Variants in NUBP1 observed in about 807,000 individuals in gnomAD.
The protein encoded by NUBP1 is cytosolic Fe-S cluster assembly factor NUBP1.
NUBP1 carries 46 observed loss-of-function variants against 41.8 expected under a neutral mutation model. The observed-to-expected ratio is 1.10, with a 90% confidence interval of 0.87 to 1.41. The LOEUF is 1.41. Among genes scored for constraint, NUBP1 ranks in the 40% most tolerant of loss-of-function variants. The probability of loss-of-function intolerance (pLI) is 0.00; values close to 1 mark genes in which losing one functional copy is unlikely to be tolerated. For missense variants in NUBP1, 494 were observed against 414.0 expected, an observed-to-expected ratio of 1.19 and a Z score of -1.68; for synonymous variants, 189 against 154.6, an observed-to-expected ratio of 1.22 and a Z score of -1.65.
In NUBP1 at chr16:10,759,742, C is replaced by T. The variant is rs1198398495; in HGVS notation, c.607-1622C>T. ...AGTGAGCCGAGATCGCGCCACTGCA[C>T]TCCAGCCTGGGCGACAGAGCAAGAC... On this transcript the variant is annotated intron_variant, in intron 7 of 10. Coordinates refer to ENST00000283027, the MANE Select transcript of NUBP1 (RefSeq NM_002484.4). The surrounding 1 kb of genome is among the most constrained non-coding windows in gnomAD (Gnocchi z 4.7). Among the ~76,000 whole-genome samples the T allele has an allele frequency of 2.6e-5, 4 of 152,152 alleles. No homozygotes were observed. The highest frequency in any genetic ancestry group is 4.4e-5 in the Non-Finnish European group (3 of 68,028).
intron 7 of NUBP1, among the ~76,000 whole-genome samples, chr16:10,758,819 G>A (rs1052494080): frequency 1.1e-4 from 17 of 152,112 alleles, no homozygotes; most frequent in African/African-American, 3.6e-4. Flanking sequence ...CGCTTCTTCC[G>A]TAGTGACACC....
Position 10,767,281 on chromosome 16 carries a change from T to A in NUBP1, c.821-668T>A. On this transcript the variant is annotated intron_variant, in intron 9 of 10. Transcript: ENST00000283027. This position sits in a 1 kb window ranked among gnomAD's most constrained non-coding sequence, Gnocchi z 4.6. Reference sequence around the variant, plus strand: ...GTGTCCTGTCCACCTGGCTCTGGGATAACATGGTCCTAGAGAAACCTGGGT... The same window carrying A: ...GTGTCCTGTCCACCTGGCTCTGGGAAAACATGGTCCTAGAGAAACCTGGGT... 2.5e-6 allele frequency: 1 copy of A among 399,100 alleles called. No individual in the cohort carries two copies. Among genetic ancestry groups the A allele is most frequent in the Non-Finnish European group, 4.4e-6 (1 of 226,496 alleles). The allele number at this position is 399,100 out of a possible 1,614,324, so 24.7% of individuals were successfully genotyped here. A position where few individuals can be genotyped will look rare whatever the true frequency, so the allele number is the denominator to read the frequency against.
intron 9 of NUBP1, 53 bp downstream of exon 9, chr16:10,761,912 C>T (rs770201722): frequency 7.0e-7 from 1 of 1,425,818 alleles, no homozygotes; most frequent in Middle Eastern, 1.8e-4. Flanking sequence ...GCCCCACAGG[C>T]ACGGGTCGGG....
At chr16:10,753,715 G>A (rs1900426401) in intron 4 of NUBP1, among the ~76,000 whole-genome samples, 1 of 152,152 alleles carries the variant, frequency 6.6e-6, no homozygotes. Context: ...CAGTAGGGCA[G>A]AGTCAGAGGG....
chr16:10,750,927 G>A (rs1217798846), intron 3 of NUBP1, among the ~76,000 whole-genome samples: 1 of 152,314 alleles, frequency 6.6e-6, no homozygotes, highest in South Asian at 2.1e-4. Flanking sequence ...GGTCCTGCTG[G>A]GAGGAACGCA....
chr16:10,768,865 A>G lies in NUBP1; in HGVS notation c.905-182A>G. On this transcript the variant is annotated intron_variant, in intron 10 of 10. Coordinates refer to ENST00000283027, the MANE Select transcript of NUBP1 (RefSeq NM_002484.4). The surrounding 1 kb of genome is among the most constrained non-coding windows in gnomAD (Gnocchi z 4.3). ...GCCGCAGCCACTGGTTATGAGCAAG[A>G]TGGGTAGTGTGAGGTATTCCGGTCA... 1 of 568,732 alleles carries G rather than the reference A, an allele frequency of 1.8e-6. No homozygotes were observed. Among genetic ancestry groups the G allele is most frequent in the Non-Finnish European group, 3.1e-6 (1 of 317,748 alleles). 35.2% of individuals were successfully genotyped at this position (568,732 alleles called of 1,614,324 possible).
Position 10,752,594 on chromosome 16 carries a change from CTCT to C in NUBP1, c.259-11_259-9del, listed in dbSNP as rs1217431141. On this transcript the variant is annotated splice_polypyrimidine_tract_variant and intron_variant, in intron 3 of 10. Transcript: ENST00000283027. ...CATTCAGTTATATAACCGCTTTGGT[CTCT>C]TCTTGTCCCCAGATTGCTCTTCTAG... The C allele has an allele frequency of 2.5e-6, 4 of 1,611,284 alleles. No individual in the cohort carries two copies. Among genetic ancestry groups the C allele is most frequent in the African/African-American group, 2.7e-5 (2 of 74,808 alleles).
chr16:10,748,388 C>G (rs575986869), intron 3 of NUBP1, among the ~76,000 whole-genome samples: 64 of 152,284 alleles, frequency 4.2e-4, no homozygotes, highest in Non-Finnish European at 7.3e-4. Flanking sequence ...TTCATTTCCA[C>G]CCATGCATAC....
intron 3 of NUBP1, among the ~76,000 whole-genome samples, chr16:10,748,952 A>T (rs1377172393): frequency 2.0e-5 from 3 of 152,016 alleles, no homozygotes; most frequent in African/African-American, 7.2e-5. Context: ...TTAGCTGGGC[A>T]TGGTGGTACG....
chr16:10,743,891 G>A lies in NUBP1; in HGVS notation c.19+9G>A. On this transcript the variant is annotated intron_variant, in intron 1 of 10. Transcript: ENST00000283027. ...GGAGGAGGTGCCTCACGGTAAGCTC[G>A]CGGAGGGGGCGTGGGTCGCGGGGCG... 6.4e-7 allele frequency: 1 copy of A among 1,569,044 alleles called. No individual in the cohort carries two copies. Among genetic ancestry groups the A allele is most frequent in the Non-Finnish European group, 8.6e-7 (1 of 1,159,118 alleles).
intron 3 of NUBP1, among the ~76,000 whole-genome samples, chr16:10,750,559 T>C (rs1045790940): frequency 6.6e-6 from 1 of 152,232 alleles, no homozygotes; most frequent in Non-Finnish European, 1.5e-5. Flanking sequence ...ATTAAACATT[T>C]ATGATCTTTG....
chr16:10,760,361 C>G (rs1014256069), intron 7 of NUBP1, among the ~76,000 whole-genome samples: 1 of 152,234 alleles, frequency 6.6e-6, no homozygotes, highest in Admixed American at 6.5e-5. Context: ...AGCCCCCAGG[C>G]TGGGGTTTGC....
intron 2 of NUBP1, among the ~76,000 whole-genome samples, chr16:10,744,695 A>C (rs972380425): frequency 2.0e-5 from 3 of 152,208 alleles, no homozygotes; most frequent in African/African-American, 7.2e-5. Flanking sequence ...GAGAGGACCC[A>C]GGGAGCCTGC....
At chr16:10,750,903 AAC>A (rs997862071) in intron 3 of NUBP1, among the ~76,000 whole-genome samples, 2 of 152,212 alleles carry the variant, frequency 1.3e-5, no homozygotes, top group African/African-American at 4.8e-5. Flanking sequence ...ATCAGCTGCA[AAC>A]ACAGGCCCAG....
At chr16:10,758,837 C>T (rs1900748949) in intron 7 of NUBP1, among the ~76,000 whole-genome samples, 2 of 152,178 alleles carry the variant, frequency 1.3e-5, no homozygotes, top group African/African-American at 4.8e-5. Context: ...ACCCAGCAAC[C>T]CTCTGTAGCA....
chr16:10,756,683 T>C lies in NUBP1; in HGVS notation c.361-7T>C, dbSNP rs772427575. ...CGTGTCTTGCCCTCACCCTGTTCCC[T>C]CTGCAGTACGTGGAAGACAACCTGG... On this transcript the variant is annotated splice_region_variant and splice_polypyrimidine_tract_variant and intron_variant, in intron 5 of 10. Coordinates refer to ENST00000283027, the MANE Select transcript of NUBP1 (RefSeq NM_002484.4). 1 of 1,552,480 alleles carries C rather than the reference T, an allele frequency of 6.4e-7. No individual in the cohort carries two copies. Among genetic ancestry groups the C allele is most frequent in the South Asian group, 1.2e-5 (1 of 80,390 alleles).
At chr16:10,758,673 G>A (rs190600635) in intron 7 of NUBP1, among the ~76,000 whole-genome samples, 1 of 152,160 alleles carries the variant, frequency 6.6e-6, no homozygotes, top group African/African-American at 2.4e-5. Flanking sequence ...CAGCCTTGCC[G>A]TGTCCATGTG....
chr16:10,762,549 G>C (rs932882168), intron 9 of NUBP1, among the ~76,000 whole-genome samples: 4 of 152,236 alleles, frequency 2.6e-5, no homozygotes, highest in African/African-American at 9.6e-5. Flanking sequence ...CCAGGACCGC[G>C]GAGCCGGGCG....
In NUBP1 at chr16:10,757,855, G is replaced by A. The variant is rs370899562; in HGVS notation, c.452-18G>A. On this transcript the variant is annotated intron_variant, in intron 6 of 10. Coordinates refer to ENST00000283027, the MANE Select transcript of NUBP1 (RefSeq NM_002484.4). The surrounding 1 kb of genome is among the most constrained non-coding windows in gnomAD (Gnocchi z 4.1). ...AAGAAAGGAAAAGTAAGCATCCCCT[G>A]TGGATTCCTCTTTCTAGGCATGATC... is the stretch of plus-strand genomic sequence containing the variant. The A allele has an allele frequency of 3.1e-5, 50 of 1,608,108 alleles. No individual in the cohort carries two copies. The African/African-American group carries it at 4.7e-4, about 15-fold the overall frequency.
Sources: gnomAD v4.1 joint callset for allele counts (sites outside exome capture counted in the v4.1 genomes callset) on GRCh38, gnomAD v4.1.1 for gene constraint, Gnocchi (gnomAD v3.1) non-coding constraint, MANE v1.5 for transcripts, NCBI Gene and HGNC (gene_info 2026-07-23, HGNC 2026-07-21) for gene names.